The following ARHGEF33 variants were observed in gnomAD, a reference collection of about 807,000 sequenced individuals.
The protein encoded by ARHGEF33 is Rho guanine nucleotide exchange factor 33, also known as DH and coiled-coil domain-containing protein ENSP00000381780.
ARHGEF33 carries 72 observed loss-of-function variants against 101.9 expected under a neutral mutation model. The observed-to-expected ratio is 0.71, with a 90% CI of 0.58 to 0.86. The LOEUF is 0.86. ARHGEF33 is among the 40% of genes least tolerant of loss of function. The pLI is 0.00. For missense variants in ARHGEF33, 1,169 were observed against 1,111.3 expected (o/e 1.05, Z -0.74); for synonymous variants, 499 against 442.5 (o/e 1.13, Z -1.60).
At chr2:38,903,888 G>T (rs1320368246) in intron 2 of ARHGEF33, among the ~76,000 whole-genome samples, 1 of 152,018 alleles carries the variant, frequency 6.6e-6, no homozygotes, top group East Asian at 1.9e-4. Flanking sequence ...TAATTGAGGG[G>T]GATTATTTGC....
At chr2:38,955,627 G>A (rs1160483973) in intron 13 of ARHGEF33, among the ~76,000 whole-genome samples, 1 of 150,932 alleles carries the variant, frequency 6.6e-6, no homozygotes, top group African/African-American at 2.4e-5. Flanking sequence ...GGCCTCCTGA[G>A]TAGTTGAGAC....
At chr2:38,937,311 C>A in intron 8 of ARHGEF33, 24 bp from the exon 9 acceptor site, 2 of 583,932 alleles carry the variant, frequency 3.4e-6, no homozygotes, top group South Asian at 2.2e-5. Context: ...CTTTGTTTCC[C>A]CGCCCCTCCC....
In ARHGEF33 at chr2:38,911,831, C is replaced by T. The variant is rs568841553; in HGVS notation, c.-85-7532C>T. Among the ~76,000 whole-genome samples the T allele has an allele frequency of 3.9e-5, 6 of 152,098 alleles. No individual in the cohort carries two copies. In the South Asian group the frequency reaches 6.2e-4, roughly 16 times the overall value. The stretch of plus-strand genomic sequence containing the variant: ...GTTGAGGCAGTGAGCCATGATCATG[C>T]CACTGTACTTTGGCCTGGGTAACAG... On this transcript the variant is annotated intron_variant, in intron 2 of 17. Coordinates refer to ENST00000409978, the MANE Select transcript of ARHGEF33 (RefSeq NM_001145451.5).
chr2:38,958,373 G>A (rs1667827928), intron 15 of ARHGEF33, among the ~76,000 whole-genome samples, 175 bp downstream of exon 15: 1 of 152,206 alleles, frequency 6.6e-6, no homozygotes, highest in South Asian at 2.1e-4. Context: ...TAATGTTAAG[G>A]GACAGGTGTA....
rs1262439952 is a variant in ARHGEF33, at chr2:38,960,176, C to T, written c.1871C>T (p.Ala624Val). The change falls in exon 16 of 18, where the codon GCG becomes GTG. Residue 624 changes from alanine to valine, a missense_variant. By Grantham distance (64) the Ala-to-Val change is moderately conservative. Coordinates refer to ENST00000409978, the MANE Select transcript of ARHGEF33 (RefSeq NM_001145451.5). ...EEFEYGGEIF[A>V]LPAPYDEEPF... ...TTCGAGTACGGCGGCGAGATCTTCG[C>T]GCTGCCCGCGCCCTACGACGAGGAG... 6.5e-7 allele frequency: 1 copy of T among 1,543,102 alleles called. No homozygotes were observed. The highest frequency in any genetic ancestry group is 2.5e-5 in the East Asian group (1 of 40,768).
At position 38,971,430 on chromosome 2, in the gene ARHGEF33, C is replaced by T. The variant is rs550591060; in HGVS notation, c.2484-2284C>T. Among the ~76,000 whole-genome samples, 12 of 152,234 alleles carry T rather than the reference C, an allele frequency of 7.9e-5. No individual in the cohort carries two copies. The East Asian group carries it at 1.4e-3, about 17-fold the overall frequency. On this transcript the variant is annotated intron_variant, in intron 17 of 17. Transcript: ENST00000409978. Reference sequence around the variant, plus strand: ...CTCAGATGTGCCCTGCAGTCGGCCACGGTGGCTCCAGGAGCTCAAAAGCCA... The same window carrying T: ...CTCAGATGTGCCCTGCAGTCGGCCATGGTGGCTCCAGGAGCTCAAAAGCCA...
intron 17 of ARHGEF33, chr2:38,971,742 A>T: frequency 1.4e-6 from 1 of 694,784 alleles, no homozygotes; most frequent in Non-Finnish European, 2.7e-6. Flanking sequence ...TAATATCAAG[A>T]AATGCAGAGA....
chr2:38,948,361 T>A lies in ARHGEF33; in HGVS notation c.921-2628T>A, dbSNP rs544540615. Among the ~76,000 whole-genome samples the A allele has an allele frequency of 1.3e-3, 201 of 152,382 alleles. 1 individual carries two copies. Among genetic ancestry groups the A allele is most frequent in the Non-Finnish European group, 2.4e-3 (161 of 68,038 alleles). The stretch of plus-strand genomic sequence containing the variant: ...GTCATTGTTTTTCATGTAACTTATG[T>A]GCTTCCACAATGCTTGATGGAGGCC... On this transcript the variant is annotated intron_variant, in intron 10 of 17. Coordinates refer to ENST00000409978, the MANE Select transcript of ARHGEF33 (RefSeq NM_001145451.5).
At chr2:38,961,742 A>T (rs1036560110) in intron 16 of ARHGEF33, among the ~76,000 whole-genome samples, 1 of 152,094 alleles carries the variant, frequency 6.6e-6, no homozygotes, top group African/African-American at 2.4e-5. Flanking sequence ...AGGAACACAG[A>T]ATTATGTAAT....
At chr2:38,946,544 T>C (rs1335081399) in intron 10 of ARHGEF33, among the ~76,000 whole-genome samples, 1 of 152,210 alleles carries the variant, frequency 6.6e-6, no homozygotes, top group Non-Finnish European at 1.5e-5. Context: ...TTTTTCTATT[T>C]TAGGGTTAGA....
At chr2:38,969,478 A>C (rs1418654548) in intron 17 of ARHGEF33, 1 of 169,296 alleles carries the variant, frequency 5.9e-6, no homozygotes, top group African/African-American at 2.4e-5. Context: ...AGCCAGATGC[A>C]GCAGAAAACC....
chr2:38,899,076 C>G (rs1342006860), intron 2 of ARHGEF33, among the ~76,000 whole-genome samples: 1 of 151,790 alleles, frequency 6.6e-6, no homozygotes, highest in Non-Finnish European at 1.5e-5. Context: ...AATAAATAAA[C>G]TTCTGTGGTT....
At chr2:38,957,924 T>C (rs774446480) in intron 14 of ARHGEF33, 110 bp from the exon 15 acceptor site, 1 of 1,352,296 alleles carries the variant, frequency 7.4e-7, no homozygotes, top group African/African-American at 1.4e-5. Context: ...ATAGAGACCT[T>C]CACAGCAAAC....
Position 38,928,808 on chromosome 2 carries a change from A to G in ARHGEF33, c.76-99A>G, listed in dbSNP as rs368377506. The G allele has an allele frequency of 2.7e-4, 307 of 1,139,010 alleles. No homozygotes were observed. In the African/African-American group the frequency reaches 4.6e-3, roughly 17 times the overall value. 70.6% of individuals were successfully genotyped at this position (1,139,010 alleles called of 1,614,324 possible). A position where few individuals can be genotyped will look rare whatever the true frequency, so the allele number is the denominator to read the frequency against. On this transcript the variant is annotated intron_variant, in intron 4 of 17. Coordinates refer to ENST00000409978, the MANE Select transcript of ARHGEF33 (RefSeq NM_001145451.5). Reference sequence around the variant, plus strand: ...TAGTAAATGAGGTCTGTAGATTTTCAGGAGGCTTGTTTCTCAAACAAAAGA... The same window carrying G: ...TAGTAAATGAGGTCTGTAGATTTTCGGGAGGCTTGTTTCTCAAACAAAAGA...
At chr2:38,946,019 C>G (rs1667441812) in intron 10 of ARHGEF33, among the ~76,000 whole-genome samples, 1 of 152,222 alleles carries the variant, frequency 6.6e-6, no homozygotes, top group Admixed American at 6.5e-5. Flanking sequence ...TAAAGTTTCT[C>G]AGAGAGCCAG....
intron 2 of ARHGEF33, among the ~76,000 whole-genome samples, chr2:38,906,605 AC>A (rs1288362225): frequency 6.6e-6 from 1 of 152,138 alleles, no homozygotes; most frequent in East Asian, 1.9e-4. Context: ...TCATTGATCA[AC>A]AAAAATGTTG....
intron 7 of ARHGEF33, among the ~76,000 whole-genome samples, chr2:38,933,184 C>T (rs201413257): frequency 1.3e-5 from 2 of 152,140 alleles, no homozygotes; most frequent in East Asian, 3.9e-4. Flanking sequence ...AAGGTGCTGG[C>T]CATGGCTGTC....
At chr2:38,903,842 C>T (rs189922085) in intron 2 of ARHGEF33, among the ~76,000 whole-genome samples, 7 of 152,172 alleles carry the variant, frequency 4.6e-5, no homozygotes, top group East Asian at 1.9e-4. Context: ...TTTTTAGATG[C>T]GAGAACACCT....
chr2:38,947,339 C>T (rs939610204), intron 10 of ARHGEF33, among the ~76,000 whole-genome samples: 3 of 152,218 alleles, frequency 2.0e-5, no homozygotes, highest in African/African-American at 4.8e-5. Flanking sequence ...TGCAGGGGCA[C>T]ATTGCTGCTG....
Sources: gnomAD v4.1 joint callset for allele counts (sites outside exome capture counted in the v4.1 genomes callset) on GRCh38, gnomAD v4.1.1 for gene constraint, MANE v1.5 for transcripts, NCBI Gene and HGNC (gene_info 2026-07-23, HGNC 2026-07-21) for gene names.